Variants in INO80D observed in about 807,000 individuals in gnomAD.
The protein encoded by INO80D is INO80 complex subunit D.
Under a neutral mutation model 87.6 loss-of-function variants are expected in INO80D, and 21 were observed. The observed-to-expected ratio is 0.24, with a 90% CI of 0.17 to 0.35. The LOEUF is 0.35. Among genes scored for constraint, INO80D ranks in the 10% least tolerant of loss-of-function variants. The pLI is 1.00. For missense variants in INO80D, 982 were observed against 1,280.7 expected (o/e 0.77, Z 3.56); for synonymous variants, 440 against 491.0 (o/e 0.90, Z 1.37).
At position 206,005,122 on chromosome 2, in the gene INO80D, T is replaced by C. The variant is rs1447664174; in HGVS notation, c.2330A>G (p.Glu777Gly). 3 of 1,613,794 alleles carry C rather than the reference T, an allele frequency of 1.9e-6. No homozygotes were observed. Among genetic ancestry groups the C allele is most frequent in the Admixed American group, 1.7e-5 (1 of 59,998 alleles). Residue 777 changes from glutamate (E) to glycine (G), a missense_variant, in exon 11 of 11, where the codon GAG becomes GGG. Coordinates refer to ENST00000403263, the MANE Select transcript of INO80D (RefSeq NM_017759.5). ...ATLISQSALG[E>G]RAFPGQFHGL... is the part of the protein sequence containing the mutation. Reference sequence around the variant, plus strand: ...ATGAAACTGTCCTGGGAAGGCTCTCTCCCCAAGTGCACTCTGGCTGATCAG... The same window carrying C: ...ATGAAACTGTCCTGGGAAGGCTCTCCCCCCAAGTGCACTCTGGCTGATCAG...
chr2:206,065,023 A>G (rs550495333), intron 1 of INO80D, among the ~76,000 whole-genome samples: 144 of 152,328 alleles, frequency 9.5e-4, no homozygotes, highest in Non-Finnish European at 1.4e-3. Flanking sequence ...GGATATCCAC[A>G]TGCAGAAGAA....
chr2:206,014,032 G>A (rs943065249), intron 8 of INO80D, among the ~76,000 whole-genome samples: 13 of 151,562 alleles, frequency 8.6e-5, no homozygotes, highest in African/African-American at 2.7e-4. Context: ...GGTGGCATGC[G>A]CCTGTAATCC....
chr2:206,043,517 T>C (rs1689109848), intron 5 of INO80D, among the ~76,000 whole-genome samples: 1 of 149,468 alleles, frequency 6.7e-6, no homozygotes, highest in South Asian at 2.1e-4. Context: ...AGATGGAGTC[T>C]CGCTCTGTCA....
At chr2:206,080,454 T>A (rs1690244958) in intron 1 of INO80D, among the ~76,000 whole-genome samples, 2 of 152,176 alleles carry the variant, frequency 1.3e-5, no homozygotes, top group African/African-American at 4.8e-5. Flanking sequence ...TATGCTAACA[T>A]GAAGCTGCTG....
At position 206,003,763 on chromosome 2, in the gene INO80D, T is replaced by A. The variant is rs1169604574; in HGVS notation, c.*605A>T. 1.3e-5 allele frequency: 2 copies of A among 156,376 alleles called. No homozygotes were observed. Among genetic ancestry groups the A allele is most frequent in the Non-Finnish European group, 2.8e-5 (2 of 70,486 alleles). The allele number at this position is 156,376 out of a possible 1,614,324, so 9.7% of individuals were successfully genotyped here. A position where few individuals can be genotyped will look rare whatever the true frequency, so the allele number is the denominator to read the frequency against. ...AAATCAAACTAATGGGACAGCTGCT[T>A]CCTGCACTGCACAAAAACACACGCG... On this transcript the variant is annotated 3_prime_UTR_variant, in exon 11 of 11. Transcript: ENST00000403263.
intron 1 of INO80D, among the ~76,000 whole-genome samples, chr2:206,080,356 GT>G (rs1177390237): frequency 6.6e-6 from 1 of 152,142 alleles, no homozygotes; most frequent in African/African-American, 2.4e-5. Flanking sequence ...GGAACGAGGA[GT>G]AAAGCAAACC....
At chr2:206,075,438 A>AT (rs34758946) in intron 1 of INO80D, among the ~76,000 whole-genome samples, 32,173 of 144,380 alleles carry the variant, frequency 0.22, 3,671 homozygotes, top group Admixed American at 0.31. Context: ...ATACCTTATA[A>AT]TTTTTTTTTT....
Position 206,063,220 on chromosome 2 carries a change from G to A in INO80D, c.-99C>T, listed in dbSNP as rs769673520. On this transcript the variant is annotated 5_prime_UTR_variant, in exon 2 of 11. Coordinates refer to ENST00000403263, the MANE Select transcript of INO80D (RefSeq NM_017759.5). ...CAAGGATACCACAGTTTGGAATGCCGCAGAATCAGGATGAAGCAGATTGTC... is the reference window on the plus strand; with the variant it reads ...CAAGGATACCACAGTTTGGAATGCCACAGAATCAGGATGAAGCAGATTGTC... 1.4e-4 allele frequency: 83 copies of A among 572,588 alleles called. No individual in the cohort carries two copies. The highest frequency in any genetic ancestry group is 3.1e-4 in the East Asian group (10 of 32,406). The allele number at this position is 572,588 out of a possible 1,614,324, so 35.5% of individuals were successfully genotyped here. A position where few individuals can be genotyped will look rare whatever the true frequency, so the allele number is the denominator to read the frequency against.
At chr2:206,007,835 A>T (rs541624687) in intron 9 of INO80D, 1 of 154,180 alleles carries the variant, frequency 6.5e-6, no homozygotes, top group Non-Finnish European at 1.4e-5. Context: ...AAAAAAAACA[A>T]CCAAAATCAA....
intron 1 of INO80D, among the ~76,000 whole-genome samples, chr2:206,084,405 C>T (rs1690376713): frequency 6.6e-6 from 1 of 152,120 alleles, no homozygotes; most frequent in Non-Finnish European, 1.5e-5. Flanking sequence ...AAGAATGTCA[C>T]ATAAAACTAA....
intron 1 of INO80D, among the ~76,000 whole-genome samples, chr2:206,080,670 G>T (rs1690251695): frequency 6.6e-6 from 1 of 151,970 alleles, no homozygotes; most frequent in African/African-American, 2.4e-5. Flanking sequence ...CACTTTGGGA[G>T]GCCAAGGCGG....
chr2:206,076,366 C>T (rs1690116752), intron 1 of INO80D, among the ~76,000 whole-genome samples: 1 of 152,098 alleles, frequency 6.6e-6, no homozygotes, highest in Non-Finnish European at 1.5e-5. Context: ...ATGTTATGTA[C>T]TTTTTAAATG....
chr2:206,066,614 C>T (rs1350228487), intron 1 of INO80D, among the ~76,000 whole-genome samples: 1 of 151,502 alleles, frequency 6.6e-6, no homozygotes, highest in African/African-American at 2.4e-5. Context: ...AAGACCAACA[C>T]GGCCAACATG....
Sources: gnomAD v4.1 joint callset for allele counts (sites outside exome capture counted in the v4.1 genomes callset) on GRCh38, gnomAD v4.1.1 for gene constraint, MANE v1.5 for transcripts, NCBI Gene and HGNC (gene_info 2026-07-23, HGNC 2026-07-21) for gene names.